The following EXOC6B variants were observed in gnomAD, a reference collection of about 807,000 sequenced individuals.
The protein encoded by EXOC6B is exocyst complex component 6B, also known as SEC15 homolog B.
In EXOC6B, 54 loss-of-function variants were observed where a neutral mutation model predicts 113.5. The ratio of observed to expected loss-of-function variants is 0.48; its 90% CI spans 0.38 to 0.60. The LOEUF is 0.60. Ranked by LOEUF, EXOC6B falls within the 20% of genes least tolerant of loss-of-function variation. EXOC6B has a pLI of 0.00. For synonymous variants in EXOC6B, 357 were observed against 339.0 expected (o/e 1.05, Z -0.58); for missense variants, 797 against 977.5 (o/e 0.82, Z 2.46).
chr2:72,206,743 TAAAG>T (rs1283446361), intron 20 of EXOC6B, among the ~76,000 whole-genome samples: 4 of 152,290 alleles, frequency 2.6e-5, no homozygotes, highest in East Asian at 1.9e-4. Context: ...CACTTTATAA[TAAAG>T]AGAGTTGTTC....
chr2:72,461,445 TATTA>T (rs1697669638), intron 18 of EXOC6B: 1 of 151,760 alleles, frequency 6.6e-6, no homozygotes, highest in Non-Finnish European at 1.5e-5. Context: ...TTTGTGTATA[TATTA>T]ATTAAAATAA....
chr2:72,292,998 A>T (rs1685899743), intron 20 of EXOC6B, among the ~76,000 whole-genome samples: 1 of 152,162 alleles, frequency 6.6e-6, no homozygotes, highest in South Asian at 2.1e-4. Context: ...TTGAACATTC[A>T]TGGACAAGTT....
rs143054118 is a variant in EXOC6B at position 72,561,990 on chromosome 2, A to G, written c.847-2469T>C. ...AGGGAGTAAAATGGGGCTTCCGTTC[A>G]CAACCTTTACCTCTACTCCCAAAAT... On this transcript the variant is annotated intron_variant, in intron 7 of 21. Coordinates refer to ENST00000272427, the MANE Select transcript of EXOC6B (RefSeq NM_015189.3). Among the ~76,000 whole-genome samples the G allele has an allele frequency of 6.0e-3, 911 of 152,290 alleles. 7 individuals are homozygous for G. The highest frequency in any genetic ancestry group is 0.02 in the African/African-American group (837 of 41,562).
At chr2:72,453,485 T>G (rs1697028657) in intron 18 of EXOC6B, among the ~76,000 whole-genome samples, 1 of 152,156 alleles carries the variant, frequency 6.6e-6, no homozygotes, top group Admixed American at 6.5e-5. Context: ...CTGGTGAACT[T>G]TTTTCTCACT....
rs185114099 is a variant in EXOC6B at position 72,545,747 on chromosome 2, A to T, written c.915+13706T>A. ...ACAACAACCCTTCAAATACTACTACAAAAGTATCTTAAGTCTAACTTTGAG... is the reference window on the plus strand; with the variant it reads ...ACAACAACCCTTCAAATACTACTACTAAAGTATCTTAAGTCTAACTTTGAG... On this transcript the variant is annotated intron_variant, in intron 8 of 21. Transcript: ENST00000272427. Among the ~76,000 whole-genome samples the T allele has an allele frequency of 2.6e-4, 39 of 152,378 alleles. No homozygotes were observed. The East Asian group carries it at 6.6e-3, about 26-fold the overall frequency.
chr2:72,449,481 ATTTTT>A (rs61544524), intron 18 of EXOC6B, among the ~76,000 whole-genome samples: 1 of 139,072 alleles, frequency 7.2e-6, no homozygotes, highest in African/African-American at 2.6e-5. Context: ...AGCATTGTCA[ATTTTT>A]TTTTTTTTTT....
chr2:72,622,499 G>C (rs1395010260), intron 6 of EXOC6B, among the ~76,000 whole-genome samples: 4 of 152,092 alleles, frequency 2.6e-5, no homozygotes, highest in African/African-American at 9.7e-5. Flanking sequence ...GGACAGCTTG[G>C]GCTCAGGAGT....
chr2:72,555,774 G>C (rs1168834021), intron 8 of EXOC6B, among the ~76,000 whole-genome samples: 3 of 152,010 alleles, frequency 2.0e-5, no homozygotes, highest in African/African-American at 7.2e-5. Flanking sequence ...AGCCTCCTGA[G>C]TAGCTGGGAT....
chr2:72,513,224 G>A lies in EXOC6B; in HGVS notation c.1075C>T (p.His359Tyr), dbSNP rs770445435. The A allele has an allele frequency of 6.2e-6, 10 of 1,612,836 alleles. No homozygotes were observed. Among genetic ancestry groups the A allele is most frequent in the Non-Finnish European group, 7.6e-6 (9 of 1,179,264 alleles). Residue 359 changes from histidine (H) to tyrosine (Y), a missense_variant, in exon 11 of 22, where the codon CAT (histidine) becomes TAT (tyrosine). By Grantham distance (83) the His-to-Tyr change is moderately conservative (BLOSUM62 2). Transcript: ENST00000272427. ...GFFVVEDHIL[H>Y]TTQGLVNRAY... ...CTATTTACTAAGCCCTGGGTTGTAT[G>A]TAAAATGTGATCTTCAACCACAAAA... is the stretch of plus-strand genomic sequence containing the variant.
At chr2:72,308,049 C>A (rs538519026) in intron 20 of EXOC6B, among the ~76,000 whole-genome samples, 1 of 152,256 alleles carries the variant, frequency 6.6e-6, no homozygotes, top group South Asian at 2.1e-4. Flanking sequence ...TGAGTTAAAG[C>A]ATTTGACTCA....
chr2:72,534,989 A>G (rs1014714946), intron 8 of EXOC6B, among the ~76,000 whole-genome samples: 2 of 152,214 alleles, frequency 1.3e-5, no homozygotes, highest in African/African-American at 4.8e-5. Context: ...CTTCAGGCCT[A>G]AAGTGGTTTC....
intron 6 of EXOC6B, among the ~76,000 whole-genome samples, chr2:72,589,808 C>T (rs761437421): frequency 2.0e-5 from 3 of 151,140 alleles, no homozygotes; most frequent in Non-Finnish European, 4.4e-5. Flanking sequence ...TCTGATATAA[C>T]TTAGTTGACA....
rs1679747304 is a variant in EXOC6B at position 72,718,106 on chromosome 2, C to T, written c.666G>A (p.Lys222=). Residue 222 remains lysine, a synonymous_variant, in exon 6 of 22, where the codon AAG becomes AAA. Transcript: ENST00000272427. ...HSDKIGETAM[K]QAQQQRNLDN... is the part of the protein sequence containing the mutation. Reference sequence around the variant, plus strand: ...CTATCATAAACCCAAGACCTACTTGCTTCATGGCAGTCTCTCCAATTTTGT... The same window carrying T: ...CTATCATAAACCCAAGACCTACTTGTTTCATGGCAGTCTCTCCAATTTTGT... 4 of 1,606,142 alleles carry T rather than the reference C, an allele frequency of 2.5e-6. No individual in the cohort carries two copies. In the South Asian group the frequency reaches 4.5e-5, roughly 18 times the overall value.
intron 20 of EXOC6B, among the ~76,000 whole-genome samples, chr2:72,295,035 G>A (rs1326622248): frequency 6.6e-6 from 1 of 151,708 alleles, no homozygotes; most frequent in Non-Finnish European, 1.5e-5. Context: ...AATCGAGACC[G>A]TCCTGGCCAA....
chr2:72,257,331 T>C (rs1419927339), intron 20 of EXOC6B, among the ~76,000 whole-genome samples: 1 of 152,198 alleles, frequency 6.6e-6, no homozygotes, highest in East Asian at 1.9e-4. Flanking sequence ...CAACAACTCA[T>C]GCTTAGGTTA....
intron 18 of EXOC6B, among the ~76,000 whole-genome samples, chr2:72,387,264 G>A (rs1000604720): frequency 7.2e-5 from 11 of 152,034 alleles, no homozygotes; most frequent in East Asian, 1.9e-4. Context: ...TTTTGAGTCC[G>A]TGTTTATGCA....
At chr2:72,670,934 C>T (rs1408103452) in intron 6 of EXOC6B, among the ~76,000 whole-genome samples, 1 of 152,076 alleles carries the variant, frequency 6.6e-6, no homozygotes, top group Non-Finnish European at 1.5e-5. Context: ...TAGGCCCCTC[C>T]CATGAACCTC....
chr2:72,770,296 C>G (rs1362846506), intron 1 of EXOC6B, among the ~76,000 whole-genome samples: 1 of 142,698 alleles, frequency 7.0e-6, no homozygotes, highest in East Asian at 1.9e-4. Flanking sequence ...GTAGAATAAA[C>G]TAGTCAACTA....
chr2:72,471,027 T>C (rs1262476907), intron 17 of EXOC6B, among the ~76,000 whole-genome samples: 1 of 152,076 alleles, frequency 6.6e-6, no homozygotes, highest in South Asian at 2.1e-4. Context: ...TTCTAGATCC[T>C]TGAGGAATCA....
Sources: gnomAD v4.1 joint callset for allele counts (sites outside exome capture counted in the v4.1 genomes callset) on GRCh38, gnomAD v4.1.1 for gene constraint, MANE v1.5 for transcripts, NCBI Gene and HGNC (gene_info 2026-07-23, HGNC 2026-07-21) for gene names.